The following SLC9C1 variants were observed in gnomAD, a reference collection of about 807,000 sequenced individuals.
The protein encoded by SLC9C1 is solute carrier family 9 member C1, also known as sodium/hydrogen exchanger 10.
A neutral mutation model predicts 140.9 loss-of-function variants in SLC9C1; 97 were observed. The observed-to-expected ratio is 0.69, with a 90% confidence interval of 0.58 to 0.82. SLC9C1 has a LOEUF of 0.82. Among genes scored for constraint, SLC9C1 ranks in the 40% least tolerant of loss-of-function variants. The pLI is 0.00. For synonymous variants in SLC9C1, 440 were observed against 442.6 expected, an observed-to-expected ratio of 0.99 and a Z score of 0.07; for missense variants, 1,340 against 1,389.3, an observed-to-expected ratio of 0.96 and a Z score of 0.56.
At position 112,278,657 on chromosome 3, in the gene SLC9C1, AT is replaced by A. The variant is rs576438935; in HGVS notation, c.318+71del. 3.9e-4 allele frequency: 584 copies of A among 1,483,506 alleles called. 6 individuals are homozygous for A. In the African/African-American group the frequency reaches 7.5e-3, roughly 19 times the overall value. 91.9% of individuals were successfully genotyped at this position (1,483,506 alleles called of 1,614,324 possible). On this transcript the variant is annotated intron_variant, in intron 4 of 28. Coordinates refer to ENST00000305815, the MANE Select transcript of SLC9C1 (RefSeq NM_183061.3). ...TCTTTGTTCCCTATTTTGGAAAAAAATATTTTAAAAATTTGAACATAGATAA... is the reference window on the plus strand; with the variant it reads ...TCTTTGTTCCCTATTTTGGAAAAAAAATTTTAAAAATTTGAACATAGATAA...
intron 5 of SLC9C1, among the ~76,000 whole-genome samples, chr3:112,277,380 A>G (rs1038415318): frequency 1.3e-5 from 2 of 152,190 alleles, no homozygotes; most frequent in African/African-American, 2.4e-5. Flanking sequence ...CACAGTGTAT[A>G]TGCAATATTG....
chr3:112,253,822 T>A (rs947507467), intron 10 of SLC9C1, among the ~76,000 whole-genome samples: 2 of 152,172 alleles, frequency 1.3e-5, no homozygotes, highest in Admixed American at 6.5e-5. Flanking sequence ...TGGATAGTAA[T>A]GAATATCATC....
chr3:112,204,937 A>G (rs1192901336), intron 16 of SLC9C1, among the ~76,000 whole-genome samples: 1 of 152,106 alleles, frequency 6.6e-6, no homozygotes, highest in Non-Finnish European at 1.5e-5. Flanking sequence ...CACTAAATTC[A>G]CTTGTGTAAT....
At chr3:112,172,919 T>C (rs895742194) in intron 23 of SLC9C1, among the ~76,000 whole-genome samples, 1 of 152,160 alleles carries the variant, frequency 6.6e-6, no homozygotes, top group African/African-American at 2.4e-5. Flanking sequence ...GTCTAATCCT[T>C]TTAATATATT....
intron 4 of SLC9C1, among the ~76,000 whole-genome samples, chr3:112,278,381 T>C (rs950428457): frequency 4.6e-5 from 7 of 152,202 alleles, no homozygotes; most frequent in African/African-American, 1.7e-4. Flanking sequence ...CTCTAAAACA[T>C]AGGTATTTAA....
intron 10 of SLC9C1, among the ~76,000 whole-genome samples, 165 bp from the exon 11 acceptor site, chr3:112,244,241 T>C (rs746878791): frequency 3.3e-5 from 5 of 152,194 alleles, no homozygotes; most frequent in African/African-American, 9.6e-5. Flanking sequence ...ATGAAAGCAC[T>C]CTGGGTATTC....
At chr3:112,263,940 G>A (rs4592997) in intron 9 of SLC9C1, among the ~76,000 whole-genome samples, 44,899 of 151,536 alleles carry the variant, frequency 0.3, 7,207 homozygotes, top group East Asian at 0.43. Flanking sequence ...TTAACTTCAT[G>A]AAATGTCATT....
At chr3:112,175,604 CAAG>C (rs1257173885) in intron 23 of SLC9C1, among the ~76,000 whole-genome samples, 2 of 152,186 alleles carry the variant, frequency 1.3e-5, no homozygotes, top group Admixed American at 6.5e-5. Flanking sequence ...CGCTCTGTAA[CAAG>C]GAGGTTTGAA....
In SLC9C1 at chr3:112,239,941, G is replaced by T. The variant is rs1278781402; in HGVS notation, c.1345C>A (p.Leu449Ile). The T allele has an allele frequency of 4.3e-6, 7 of 1,613,848 alleles. No individual in the cohort carries two copies. Among genetic ancestry groups the T allele is most frequent in the Non-Finnish European group, 5.9e-6 (7 of 1,179,940 alleles). ...AGGGCAGAGGCTGCAGACTTGGTTA[G>T]CTCTTGAAAGTGTTGAAATGTGCAA... is the stretch of plus-strand genomic sequence containing the variant. Reference protein sequence around the residue: ...VCCTFQHFQELTKSAASALKF... With the variant: ...VCCTFQHFQEITKSAASALKF... The change falls in exon 12 of 29, where the codon CTA (leucine) becomes ATA (isoleucine). Residue 449 changes from leucine (L) to isoleucine (I), a missense_variant. Physicochemically the swap from Leu to Ile is conservative, Grantham distance 5 (BLOSUM62 2). Transcript: ENST00000305815.
intron 13 of SLC9C1, among the ~76,000 whole-genome samples, chr3:112,223,446 A>G (rs1181723909): frequency 6.6e-6 from 1 of 152,214 alleles, no homozygotes; most frequent in East Asian, 1.9e-4. Flanking sequence ...GGGAAATGCA[A>G]ACGTGTCTAC....
chr3:112,284,421 A>G (rs1472878717), intron 2 of SLC9C1, among the ~76,000 whole-genome samples: 1 of 152,212 alleles, frequency 6.6e-6, no homozygotes, highest in Non-Finnish European at 1.5e-5. Context: ...ATATATTATT[A>G]CCAGTAAAAG....
chr3:112,161,535 C>T (rs2075299409), intron 26 of SLC9C1, among the ~76,000 whole-genome samples: 1 of 152,142 alleles, frequency 6.6e-6, no homozygotes, highest in Admixed American at 6.5e-5. Flanking sequence ...GGAATCCTTT[C>T]CTCATTGCTT....
intron 10 of SLC9C1, among the ~76,000 whole-genome samples, chr3:112,252,164 G>A (rs190155022): frequency 3.5e-3 from 524 of 151,600 alleles, no homozygotes; most frequent in Non-Finnish European, 6.0e-3. Context: ...CTGTTACACA[G>A]CCTTAGCCAT....
chr3:112,201,485 C>T (rs1189943650), intron 18 of SLC9C1, among the ~76,000 whole-genome samples: 7 of 151,956 alleles, frequency 4.6e-5, no homozygotes, highest in African/African-American at 1.4e-4. Flanking sequence ...TTCAGTTTCT[C>T]AATGACAAAG....
At chr3:112,176,273 G>A (rs554482677) in intron 23 of SLC9C1, among the ~76,000 whole-genome samples, 1 of 152,318 alleles carries the variant, frequency 6.6e-6, no homozygotes, top group South Asian at 2.1e-4. Flanking sequence ...TCACTCCCAG[G>A]TGGGTGGTCA....
At chr3:112,153,610 CTG>C (rs1412605878) in intron 27 of SLC9C1, among the ~76,000 whole-genome samples, 1 of 152,144 alleles carries the variant, frequency 6.6e-6, no homozygotes, top group African/African-American at 2.4e-5. Flanking sequence ...ATAATGGAAA[CTG>C]TGTAGGAATT....
At chr3:112,163,497 A>G (rs2075369071) in intron 26 of SLC9C1, among the ~76,000 whole-genome samples, 2 of 151,654 alleles carry the variant, frequency 1.3e-5, no homozygotes, top group African/African-American at 2.4e-5. Flanking sequence ...GTTTCAAAGA[A>G]CATCTTTATT....
At position 112,195,358 on chromosome 3, in the gene SLC9C1, A is replaced by G. The variant is rs1407546670; in HGVS notation, c.2523+3963T>C. ...TGTGCATGTAGAGATCCAGTTTCTC[A>G]AAGAAAAAGCACATAGTTGGATCAT... On this transcript the variant is annotated intron_variant, in intron 20 of 28. Transcript: ENST00000305815. Among the ~76,000 whole-genome samples, 6 of 152,258 alleles carry G rather than the reference A, an allele frequency of 3.9e-5. No individual in the cohort carries two copies. In the East Asian group the frequency reaches 1.2e-3, roughly 29 times the overall value.
At chr3:112,195,749 T>C (rs1261220900) in intron 20 of SLC9C1, among the ~76,000 whole-genome samples, 3 of 152,134 alleles carry the variant, frequency 2.0e-5, no homozygotes, top group African/African-American at 7.2e-5. Context: ...TAACAACAGT[T>C]CCATCCCCAT....
Sources: allele counts gnomAD v4.1 joint callset (sites outside exome capture counted in the v4.1 genomes callset), GRCh38; gene constraint gnomAD v4.1.1; transcripts MANE v1.5; gene names NCBI Gene and HGNC (gene_info 2026-07-23, HGNC 2026-07-21).